LRRC43: variants seen among roughly 807,000 people sequenced by gnomAD.
LRRC43 encodes leucine rich repeat containing 43.
A neutral mutation model predicts 64.3 loss-of-function variants in LRRC43; 62 were observed. The observed-to-expected ratio is 0.96, with a 90% CI of 0.79 to 1.19. The LOEUF is 1.19. Among genes scored for constraint, LRRC43 ranks in the 50% most tolerant of loss-of-function variants. The pLI is 0.00. For synonymous variants in LRRC43, 422 were observed against 382.3 expected (o/e 1.10, Z -1.21); for missense variants, 868 against 845.0 (o/e 1.03, Z -0.34).
intron 7 of LRRC43, among the ~76,000 whole-genome samples, chr12:122,195,487 C>T (rs541995142): frequency 4.0e-4 from 61 of 152,096 alleles, no homozygotes; most frequent in African/African-American, 1.3e-3. Context: ...GTGGTCCATC[C>T]GCCTCAGCCT....
chr12:122,191,653 A>C, intron 6 of LRRC43, 86 bp downstream of exon 6: 1 of 1,049,310 alleles, frequency 9.5e-7, no homozygotes, highest in South Asian at 1.8e-5. Context: ...CCTTTTAATT[A>C]ATTAATTAAT....
chr12:122,191,634 C>T (rs1192539192), intron 6 of LRRC43, 67 bp downstream of exon 6: 2 of 1,229,784 alleles, frequency 1.6e-6, no homozygotes, highest in East Asian at 4.9e-5. Flanking sequence ...TTGTGGGCCC[C>T]AGGAAAATCC....
intron 1 of LRRC43, among the ~76,000 whole-genome samples, chr12:122,170,072 G>A (rs1237882462): frequency 6.6e-6 from 1 of 152,122 alleles, no homozygotes; most frequent in Non-Finnish European, 1.5e-5. Flanking sequence ...CTCCCAAAGT[G>A]CTGGGATTAC....
At position 122,200,804 on chromosome 12, in the gene LRRC43, C is replaced by G. The variant is rs759956709; in HGVS notation, c.1679C>G (p.Pro560Arg). Residue 560 changes from proline (P) to arginine (R), a missense_variant, in exon 10 of 12, where the codon CCC (proline) becomes CGC (arginine). Transcript: ENST00000339777. The surrounding 1 kb of genome is among the most constrained non-coding windows in gnomAD (Gnocchi z 4.6). ...EPPKELRQDP[P>R]ILQVLGRGLV... ...CCCAAGGAGCTCCGGCAGGACCCCCCCATCCTCCAGGTGCTGGGCCGGGGC... is the reference window on the plus strand; with the variant it reads ...CCCAAGGAGCTCCGGCAGGACCCCCGCATCCTCCAGGTGCTGGGCCGGGGC... 2.5e-6 allele frequency: 4 copies of G among 1,613,094 alleles called. No individual in the cohort carries two copies. The highest frequency in any genetic ancestry group is 1.7e-5 in the Admixed American group (1 of 60,016).
rs971558116 is a variant in LRRC43 at position 122,174,086 on chromosome 12, A to G, written c.-406+6304A>G. The G allele has an allele frequency of 1.2e-5, 20 of 1,613,682 alleles. No individual in the cohort carries two copies. The African/African-American group carries it at 2.5e-4, about 20-fold the overall frequency. On this transcript the variant is annotated intron_variant, in intron 1 of 5. Transcript: ENST00000537729. ...GCCCTGCTGAGCCAACCCTGGGGGT[A>G]GTGCTTCCAGAATCTTCCTGGTGAG... is the stretch of plus-strand genomic sequence containing the variant.
intron 7 of LRRC43, 77 bp downstream of exon 7, chr12:122,193,081 A>G (rs916100372): frequency 8.6e-6 from 13 of 1,503,662 alleles, no homozygotes; most frequent in African/African-American, 1.4e-5. Flanking sequence ...GCGACCTTCC[A>G]TTAAAAGTCC....
chr12:122,180,454 G>A (rs1168604309), upstream of LRRC43, among the ~76,000 whole-genome samples: 3 of 152,180 alleles, frequency 2.0e-5, no homozygotes, highest in African/African-American at 4.8e-5. Flanking sequence ...AGGAGGCGGA[G>A]GTTGCAGTGA....
At position 122,200,565 on chromosome 12, in the gene LRRC43, G is replaced by C; in HGVS notation, c.1525G>C (p.Asp509His). 6.3e-7 allele frequency: 1 copy of C among 1,582,098 alleles called. No homozygotes were observed. The highest frequency in any genetic ancestry group is 8.7e-7 in the Non-Finnish European group (1 of 1,150,702). Residue 509 changes from aspartate (D) to histidine (H), a missense_variant, in exon 9 of 12, where the codon GAC (aspartate) becomes CAC (histidine). Transcript: ENST00000339777. The surrounding 1 kb of genome is among the most constrained non-coding windows in gnomAD (Gnocchi z 4.6). The part of the protein sequence containing the change: ...LSWPVVLPAV[D>H]SPLSAKKGKG... The stretch of plus-strand genomic sequence containing the variant: ...CTGGCCTGTGGTGCTACCTGCTGTT[G>C]ACAGTCCCCTGTCTGCCAAGAAAGG...
chr12:122,181,630 C>T (rs1593142844), upstream of LRRC43, among the ~76,000 whole-genome samples: 1 of 122,534 alleles, frequency 8.2e-6, no homozygotes, highest in Non-Finnish European at 1.7e-5. Context: ...TTTTTTGAGA[C>T]AGTCTCACTC....
At chr12:122,181,925 A>G (rs1204112437), upstream of LRRC43, among the ~76,000 whole-genome samples, 1 of 151,886 alleles carries the variant, frequency 6.6e-6, no homozygotes, top group Non-Finnish European at 1.5e-5. Flanking sequence ...TAATAACAGT[A>G]AAGTTGTCCC....
chr12:122,190,260 T>C lies in LRRC43; in HGVS notation c.793T>C (p.Tyr265His), dbSNP rs77473460. The C allele has an allele frequency of 6.6e-3, 10,673 of 1,614,112 alleles. 625 individuals carry two copies. The African/African-American group carries it at 0.13, about 19-fold the overall frequency. The change falls in exon 5 of 12, where the codon TAC becomes CAC. Residue 265 changes from tyrosine to histidine, a missense_variant. By Grantham distance (83) the Tyr-to-His change is moderately conservative. Transcript: ENST00000339777. ...LQGNPLALVPYYRGLTIDSLA... is the reference protein window; with the variant it reads ...LQGNPLALVPHYRGLTIDSLA... ...GGGAAACCCACTGGCCTTGGTGCCC[T>C]ACTACCGCGGCCTCACCATCGACAG...
chr12:122,189,442 G>C (rs1248555233), intron 4 of LRRC43: 2 of 456,738 alleles, frequency 4.4e-6, no homozygotes, highest in Non-Finnish European at 4.4e-6. Flanking sequence ...GGGAGATGCT[G>C]TGCTGACAGC....
chr12:122,179,494 G>A (rs894420762), upstream of LRRC43, among the ~76,000 whole-genome samples: 10 of 152,134 alleles, frequency 6.6e-5, no homozygotes, highest in Admixed American at 2.0e-4. Context: ...GATCTGAAGC[G>A]TGTAGGAAGG....
At chr12:122,176,535 G>GT (rs386378008) in intron 1 of LRRC43, among the ~76,000 whole-genome samples, 71 of 144,344 alleles carry the variant, frequency 4.9e-4, no homozygotes, top group South Asian at 8.9e-4. Flanking sequence ...CTTTTGTTTT[G>GT]TTTTTTTTTT....
At position 122,200,755 on chromosome 12, in the gene LRRC43, G is replaced by A; in HGVS notation, c.1630G>A (p.Val544Met). ...CCTCCCGTCGTCGCAGGAGTGGAAG[G>A]TGCTGAAGAAGAAGAAAGAGCCGCC... ...GEKEPAKEWK[V>M]LKKKKEPPKE... The change falls in exon 10 of 12, where the codon GTG becomes ATG. Residue 544 changes from valine (V) to methionine (M), a missense_variant. By Grantham distance (21) the Val-to-Met change is conservative. Coordinates refer to ENST00000339777, the MANE Select transcript of LRRC43 (RefSeq NM_001098519.2). The surrounding 1 kb of genome is among the most constrained non-coding windows in gnomAD (Gnocchi z 4.6). 1 of 1,613,052 alleles carries A rather than the reference G, an allele frequency of 6.2e-7. No individual in the cohort carries two copies. The highest frequency in any genetic ancestry group is 1.1e-5 in the South Asian group (1 of 91,082).
chr12:122,169,435 G>A (rs1953465646), intron 1 of LRRC43, among the ~76,000 whole-genome samples: 1 of 152,088 alleles, frequency 6.6e-6, no homozygotes, highest in African/African-American at 2.4e-5. Context: ...TAGAATTCTA[G>A]TTGGGCGCAG....
rs529006567 is a variant in LRRC43, at chr12:122,190,446, T to C, written c.901+78T>C. 16 of 1,168,978 alleles carry C rather than the reference T, an allele frequency of 1.4e-5. No individual in the cohort carries two copies. In the South Asian group the frequency reaches 2.1e-4, roughly 16 times the overall value. 72.4% of individuals were successfully genotyped at this position (1,168,978 alleles called of 1,614,324 possible). ...CCTGGCTGTGCCCCGCCCTCCTGGG[T>C]CCGTGTACCCGTCTGTCCTGCAACT... On this transcript the variant is annotated intron_variant, in intron 5 of 11. Coordinates refer to ENST00000339777, the MANE Select transcript of LRRC43 (RefSeq NM_001098519.2).
intron 1 of LRRC43, chr12:122,174,322 A>G (rs1186627535): frequency 2.3e-6 from 2 of 884,160 alleles, no homozygotes; most frequent in Non-Finnish European, 1.8e-6. Flanking sequence ...GCTTTTCTCC[A>G]GAAAACACTC....
rs1290535754 is a variant in LRRC43 at position 122,184,064 on chromosome 12, C to A, written c.151-455C>A. ...TGTAGTTATATCCATGGCTAATAATCCATCAAAATTATTGATTATTCACTG... is the reference window on the plus strand; with the variant it reads ...TGTAGTTATATCCATGGCTAATAATACATCAAAATTATTGATTATTCACTG... On this transcript the variant is annotated intron_variant, in intron 1 of 11. Transcript: ENST00000339777. This position sits in a 1 kb window ranked among gnomAD's most constrained non-coding sequence, Gnocchi z 4.0. Among the ~76,000 whole-genome samples, 1 of 151,622 alleles carries A rather than the reference C, an allele frequency of 6.6e-6. No individual in the cohort carries two copies. Among genetic ancestry groups the A allele is most frequent in the Non-Finnish European group, 1.5e-5 (1 of 67,984 alleles).
Sources: allele counts gnomAD v4.1 joint callset (sites outside exome capture counted in the v4.1 genomes callset), GRCh38; gene constraint gnomAD v4.1.1; non-coding constraint Gnocchi (gnomAD v3.1); transcripts MANE v1.5; gene names NCBI Gene and HGNC (gene_info 2026-07-23, HGNC 2026-07-21).